Variants in HEATR4 observed in about 807,000 individuals in gnomAD.
The protein encoded by HEATR4 is HEAT repeat containing 4.
In HEATR4, 95 loss-of-function variants were observed where a neutral mutation model predicts 108.8. That is an observed-to-expected ratio of 0.87 (90% confidence interval 0.74 to 1.04). HEATR4 has a LOEUF of 1.04. HEATR4 is among the 50% of genes least tolerant of loss of function. The pLI, the probability that HEATR4 is intolerant of heterozygous loss-of-function variation, is 0.00. For synonymous variants in HEATR4, 443 were observed against 459.4 expected (o/e 0.96, Z 0.46); for missense variants, 1,152 against 1,253.8 (o/e 0.92, Z 1.23).
the HEATR4 span, among the ~76,000 whole-genome samples, chr14:73,610,451 C>T: frequency 2.0e-5 from 3 of 152,038 alleles, no homozygotes; most frequent in East Asian, 5.8e-4. Flanking sequence ...CTGCCACGTT[C>T]AGCTAATTTT....
chr14:73,500,656 G>A lies in HEATR4; in HGVS notation c.2180C>T (p.Thr727Ile), dbSNP rs1362563520. Residue 727 changes from threonine to isoleucine, a missense_variant, in exon 12 of 18, where the codon ACC becomes ATC. Physicochemically the swap from Thr to Ile is moderately conservative, Grantham distance 89. Transcript: ENST00000553558. ...CAGGAAGCTTGGGAGAAGCTTGGCGGTCATAAGCTTGAGCTCACCTATCAG... is the reference window on the plus strand; with the variant it reads ...CAGGAAGCTTGGGAGAAGCTTGGCGATCATAAGCTTGAGCTCACCTATCAG... ...LYLIGELKLMTAKLLPSFLHC... is the reference protein window; with the variant it reads ...LYLIGELKLMIAKLLPSFLHC... 1 of 1,614,084 alleles carries A rather than the reference G, an allele frequency of 6.2e-7. No individual in the cohort carries two copies. The highest frequency in any genetic ancestry group is 1.3e-5 in the African/African-American group (1 of 74,934).
chr14:73,585,820 C>CTTTTTTTTTTT, the HEATR4 span, among the ~76,000 whole-genome samples: 1 of 115,570 alleles, frequency 8.7e-6, no homozygotes, highest in African/African-American at 3.9e-5. Flanking sequence ...TTGTCTTTTT[C>CTTTTTTTTTTT]TTTTTTTTTT....
chr14:73,491,315 C>T, intron 17 of HEATR4: 3 of 1,514,342 alleles, frequency 2.0e-6, no homozygotes, highest in Non-Finnish European at 2.6e-6. Flanking sequence ...ATACGGCCAC[C>T]TGGGGCCCGC....
upstream of HEATR4, among the ~76,000 whole-genome samples, chr14:73,559,115 ATGG>A (rs1595164350): frequency 1.3e-5 from 2 of 152,042 alleles, no homozygotes; most frequent in East Asian, 3.9e-4. Flanking sequence ...TATTTATTGA[ATGG>A]TAGTTTCATG....
chr14:73,573,207 G>A, the HEATR4 span, among the ~76,000 whole-genome samples: 4 of 151,954 alleles, frequency 2.6e-5, no homozygotes, highest in South Asian at 4.2e-4. Flanking sequence ...TGGCTACAAC[G>A]AGTAAAGTCA....
Position 73,537,566 on chromosome 14 carries a change from C to A in HEATR4, c.-151-7322G>T, listed in dbSNP as rs766065210. ...CGAGAAGGGCGCGCTTTTCCAGGCCCACGCGCGCTACCGCGCCGACACCCT... is the reference window on the plus strand; with the variant it reads ...CGAGAAGGGCGCGCTTTTCCAGGCCAACGCGCGCTACCGCGCCGACACCCT... On this transcript the variant is annotated intron_variant, in intron 1 of 17. Coordinates refer to ENST00000553558, the MANE Select transcript of HEATR4 (RefSeq NM_001220484.1). 18 of 1,214,880 alleles carry A rather than the reference C, an allele frequency of 1.5e-5. 5 individuals are homozygous for A. Among genetic ancestry groups the A allele is most frequent in the African/African-American group, 4.7e-5 (3 of 63,806 alleles). 75.3% of individuals were successfully genotyped at this position (1,214,880 alleles called of 1,614,324 possible).
At chr14:73,505,151 A>C (rs1297991286) in intron 10 of HEATR4, among the ~76,000 whole-genome samples, 3 of 152,102 alleles carry the variant, frequency 2.0e-5, no homozygotes, top group African/African-American at 7.2e-5. Flanking sequence ...TCCTGGTCTC[A>C]AGTGATCCAC....
the HEATR4 span, among the ~76,000 whole-genome samples, chr14:73,600,441 C>T: frequency 2.0e-5 from 3 of 152,008 alleles, no homozygotes; most frequent in Non-Finnish European, 2.9e-5. Flanking sequence ...AATTATTCTT[C>T]AGCCAGAACA....
At chr14:73,547,254 G>A (rs1343542676) in intron 1 of HEATR4, among the ~76,000 whole-genome samples, 1 of 114,990 alleles carries the variant, frequency 8.7e-6, no homozygotes, top group South Asian at 2.8e-4. Flanking sequence ...GGTGCTGGGC[G>A]CCTGTAATCC....
At chr14:73,570,474 CAGG>C in the HEATR4 span, among the ~76,000 whole-genome samples, 1 of 151,832 alleles carries the variant, frequency 6.6e-6, no homozygotes, top group Non-Finnish European at 1.5e-5. Flanking sequence ...GAGGCTGAGG[CAGG>C]AGAATGGTGT....
intron 1 of HEATR4, among the ~76,000 whole-genome samples, chr14:73,554,861 T>G (rs1196704619): frequency 8.8e-6 from 1 of 113,746 alleles, no homozygotes; most frequent in African/African-American, 2.8e-5. Flanking sequence ...AACTATACGT[T>G]TAGAATGGAG....
At chr14:73,560,661 CAAAAAA>C (rs11448429), upstream of HEATR4, among the ~76,000 whole-genome samples, 8 of 120,824 alleles carry the variant, frequency 6.6e-5, no homozygotes, top group Non-Finnish European at 8.8e-5. Context: ...GACTCCATCT[CAAAAAA>C]AAAAAAAAAG....
chr14:73,567,514 C>T, the HEATR4 span: 1 of 151,942 alleles, frequency 6.6e-6, no homozygotes, highest in East Asian at 1.9e-4. Flanking sequence ...AACCAATCAG[C>T]ACTCTGTAAA....
At chr14:73,612,719 G>A in the HEATR4 span, 1 of 1,382,952 alleles carries the variant, frequency 7.2e-7, no homozygotes. Context: ...CCGGGCCCAC[G>A]CGCGCTACCG....
At chr14:73,485,009 G>A (rs1168375636) in intron 17 of HEATR4, among the ~76,000 whole-genome samples, 3 of 151,916 alleles carry the variant, frequency 2.0e-5, no homozygotes, top group Non-Finnish European at 4.4e-5. Flanking sequence ...ACTAAAAATA[G>A]AAAAATTGGC....
At position 73,538,680 on chromosome 14, in the gene HEATR4, C is replaced by A. The variant is rs1371381077; in HGVS notation, c.-151-8436G>T. Among the ~76,000 whole-genome samples, 2 of 100,062 alleles carry A rather than the reference C, an allele frequency of 2.0e-5. 1 individual carries two copies. The highest frequency in any genetic ancestry group is 6.5e-5 in the African/African-American group (2 of 30,738). The allele number at this position is 100,062 out of a possible 152,430, so 65.6% of individuals were successfully genotyped here. ...CACATAATATTAAAAACAAACAAAA[C>A]AAAACAAAAAAAACAGGCCGGACGC... On this transcript the variant is annotated intron_variant, in intron 1 of 17. Coordinates refer to ENST00000553558, the MANE Select transcript of HEATR4 (RefSeq NM_001220484.1).
rs1404916402 is a variant in HEATR4, at chr14:73,492,032, C to G, written c.2844+1034G>C. The G allele has an allele frequency of 3.7e-6, 6 of 1,613,882 alleles. No homozygotes were observed. The highest frequency in any genetic ancestry group is 5.1e-6 in the Non-Finnish European group (6 of 1,179,898). On this transcript the variant is annotated intron_variant, in intron 17 of 17. Coordinates refer to ENST00000553558, the MANE Select transcript of HEATR4 (RefSeq NM_001220484.1). This position sits in a 1 kb window ranked among gnomAD's most constrained non-coding sequence, Gnocchi z 4.9. ...GCCCCCTAACTCGCAGGGCTTTGCC[C>G]CCCACTACGACGACATCGAGGCCTT...
chr14:73,507,140 T>C (rs1011817344), intron 9 of HEATR4, among the ~76,000 whole-genome samples: 30 of 152,158 alleles, frequency 2.0e-4, no homozygotes, highest in Admixed American at 2.0e-3. Flanking sequence ...AAATGATTTT[T>C]ATATGCCTCA....
chr14:73,584,002 A>T, the HEATR4 span, among the ~76,000 whole-genome samples: 2 of 117,766 alleles, frequency 1.7e-5, no homozygotes, highest in African/African-American at 8.4e-5. Flanking sequence ...TCTCCGTCTA[A>T]AAAAAAAAAC....
Sources: gnomAD v4.1 joint callset for allele counts (sites outside exome capture counted in the v4.1 genomes callset) on GRCh38, gnomAD v4.1.1 for gene constraint, Gnocchi (gnomAD v3.1) non-coding constraint, MANE v1.5 for transcripts, NCBI Gene and HGNC (gene_info 2026-07-23, HGNC 2026-07-21) for gene names.